Variants in ANXA4 observed in about 807,000 individuals in gnomAD.
The protein encoded by ANXA4 is 35-beta calcimedin.
In ANXA4, 39 loss-of-function variants were observed where a neutral mutation model predicts 49.8. The ratio of observed to expected loss-of-function variants is 0.78; its 90% CI spans 0.61 to 1.02. The LOEUF is 1.02. ANXA4 is among the 50% of genes least tolerant of loss of function. The pLI is 0.00. For missense variants in ANXA4, 360 were observed against 410.1 expected, an observed-to-expected ratio of 0.88 and a Z score of 1.05; for synonymous variants, 134 against 152.5, an observed-to-expected ratio of 0.88 and a Z score of 0.89.
At chr2:69,687,964 T>G (rs2105368043) in intron 2 of ANXA4, among the ~76,000 whole-genome samples, 1 of 152,356 alleles carries the variant, frequency 6.6e-6, no homozygotes, top group Middle Eastern at 3.4e-3. Context: ...CCCACAATAC[T>G]TTTATCACAC....
chr2:69,746,070 C>T (rs370683234), intron 1 of ANXA4, among the ~76,000 whole-genome samples: 93 of 151,624 alleles, frequency 6.1e-4, no homozygotes, highest in African/African-American at 2.1e-3. Context: ...GGAGTGCAGT[C>T]GTGCGATCTT....
At chr2:69,786,478 C>T (rs1672421120) in intron 2 of ANXA4, among the ~76,000 whole-genome samples, 1 of 152,198 alleles carries the variant, frequency 6.6e-6, no homozygotes, top group Non-Finnish European at 1.5e-5. Context: ...TATCTCCTTT[C>T]TCAAAACCTG....
intron 1 of ANXA4, among the ~76,000 whole-genome samples, chr2:69,748,482 TTATATTAA>T (rs1325368149): frequency 6.6e-6 from 1 of 150,678 alleles, no homozygotes; most frequent in African/African-American, 2.4e-5. Flanking sequence ...TAATTTTACA[TTATATTAA>T]TATATTAATT....
chr2:69,653,318 C>G (rs902350142), intron 2 of ANXA4: 1 of 152,128 alleles, frequency 6.6e-6, no homozygotes, highest in South Asian at 2.1e-4. Flanking sequence ...GTGAAGTATG[C>G]GTAAATGATA....
At chr2:69,798,493 C>T (rs904247205) in intron 3 of ANXA4, among the ~76,000 whole-genome samples, 1 of 152,128 alleles carries the variant, frequency 6.6e-6, no homozygotes, top group Non-Finnish European at 1.5e-5. Context: ...TTGAATAACA[C>T]CAGGGTGTGG....
At chr2:69,695,669 A>G (rs1416513324) in intron 2 of ANXA4, among the ~76,000 whole-genome samples, 1 of 152,156 alleles carries the variant, frequency 6.6e-6, no homozygotes, top group Non-Finnish European at 1.5e-5. Flanking sequence ...CTTACCCTGT[A>G]AGATTAATCT....
chr2:69,706,146 T>C (rs569385506), intron 2 of ANXA4, among the ~76,000 whole-genome samples: 19 of 151,888 alleles, frequency 1.3e-4, no homozygotes, highest in African/African-American at 4.6e-4. Context: ...TCTAAGATAC[T>C]AAGACTCTGG....
At chr2:69,816,238 A>G in intron 9 of ANXA4, 44 bp downstream of exon 9, 1 of 1,532,910 alleles carries the variant, frequency 6.5e-7, no homozygotes, top group Non-Finnish European at 9.0e-7. Flanking sequence ...AGTGAAAGAT[A>G]GCAAAAACTA....
intron 2 of ANXA4, among the ~76,000 whole-genome samples, chr2:69,673,387 G>C (rs1050685636): frequency 6.6e-6 from 1 of 151,324 alleles, no homozygotes; most frequent in African/African-American, 2.4e-5. Flanking sequence ...ATCATTCTCA[G>C]CAAACTAACA....
intron 2 of ANXA4, among the ~76,000 whole-genome samples, chr2:69,711,072 G>GTA (rs1678663227): frequency 1.3e-5 from 2 of 152,078 alleles, no homozygotes; most frequent in Non-Finnish European, 2.9e-5. Context: ...GCTCACACCT[G>GTA]TAATCCCAGC....
rs55970370 is a variant in ANXA4, at chr2:69,663,293, C to CTTTTTTTTTTTTTTT, written n.766+10031_766+10045dup. Reference sequence around the variant, plus strand: ...ACAGGCGTGAGCCAATGCACCCGGCCTTTTTTTTTTTTTTTTTTTTTTTTT... The same window carrying CTTTTTTTTTTTTTTT: ...ACAGGCGTGAGCCAATGCACCCGGCCTTTTTTTTTTTTTTTTTTTTTTTTTTTTTTTTTTTTTTTT... On this transcript the variant is annotated intron_variant and non_coding_transcript_variant, in intron 2 of 3. Coordinates refer to the ANXA4 transcript ENST00000418066. Among the ~76,000 whole-genome samples the CTTTTTTTTTTTTTTT allele has an allele frequency of 4.7e-5, 2 of 42,836 alleles. 1 individual carries two copies. The highest frequency in any genetic ancestry group is 8.2e-5 in the Non-Finnish European group (2 of 24,306). The allele number at this position is 42,836 out of a possible 152,430, so 28.1% of individuals were successfully genotyped here.
chr2:69,746,012 ATTTG>A (rs1230081675), intron 1 of ANXA4, among the ~76,000 whole-genome samples: 2 of 150,976 alleles, frequency 1.3e-5, no homozygotes, highest in African/African-American at 2.4e-5. Flanking sequence ...TTGTTTGTTT[ATTTG>A]TTTGTTTGTT....
At chr2:69,717,868 G>T (rs1053256762) in intron 2 of ANXA4, among the ~76,000 whole-genome samples, 1 of 152,142 alleles carries the variant, frequency 6.6e-6, no homozygotes, top group Non-Finnish European at 1.5e-5. Context: ...ACTAAGAGAC[G>T]TACACAACCT....
intron 3 of ANXA4, among the ~76,000 whole-genome samples, chr2:69,730,639 A>G (rs1007257848): frequency 6.6e-6 from 1 of 152,212 alleles, no homozygotes. Context: ...CTGCCTCCAC[A>G]TGGCCCCTAT....
chr2:69,711,593 G>C (rs1011555598), intron 2 of ANXA4, among the ~76,000 whole-genome samples: 2 of 152,190 alleles, frequency 1.3e-5, no homozygotes, highest in African/African-American at 4.8e-5. Context: ...GGTGGTGGTT[G>C]TATGACTGTA....
chr2:69,682,314 C>A (rs1030941330), intron 2 of ANXA4, among the ~76,000 whole-genome samples: 27 of 152,066 alleles, frequency 1.8e-4, no homozygotes, highest in African/African-American at 6.5e-4. Context: ...CCATTTGTTT[C>A]AATAAATTTT....
intron 3 of ANXA4, among the ~76,000 whole-genome samples, chr2:69,790,615 GC>G (rs1256456844): frequency 1.3e-5 from 2 of 152,186 alleles, no homozygotes; most frequent in Non-Finnish European, 2.9e-5. Context: ...ATGGGGCTTG[GC>G]TTTGTTTAGC....
chr2:69,685,739 C>T (rs1677763134), intron 2 of ANXA4, among the ~76,000 whole-genome samples: 1 of 152,172 alleles, frequency 6.6e-6, no homozygotes, highest in Non-Finnish European at 1.5e-5. Context: ...AGAGCCTTAA[C>T]TCAATATGAG....
At chr2:69,692,245 A>G (rs1168897083) in intron 2 of ANXA4, among the ~76,000 whole-genome samples, 1 of 152,226 alleles carries the variant, frequency 6.6e-6, no homozygotes, top group Non-Finnish European at 1.5e-5. Flanking sequence ...CACAGTAAGG[A>G]GATCTAACAT....
Sources: allele counts gnomAD v4.1 joint callset (sites outside exome capture counted in the v4.1 genomes callset), GRCh38; gene constraint gnomAD v4.1.1; transcripts MANE v1.5; gene names NCBI Gene and HGNC (gene_info 2026-07-23, HGNC 2026-07-21).